Variants in TMED9 observed in about 807,000 individuals in gnomAD.
TMED9 encodes the protein transmembrane p24 trafficking protein 9, also known as transmembrane emp24 domain-containing protein 9.
In TMED9, 22 loss-of-function variants were observed where a neutral mutation model predicts 30.6. The observed-to-expected ratio is 0.72, with a 90% CI of 0.51 to 1.03. The LOEUF (loss-of-function observed/expected upper bound fraction) is 1.03, where lower values mean the gene tolerates loss of function less well. Among genes scored for constraint, TMED9 ranks in the 50% least tolerant of loss-of-function variants. TMED9 has a pLI of 0.00. For synonymous variants in TMED9, 146 were observed against 122.8 expected (o/e 1.19, Z -1.25); for missense variants, 251 against 302.1 (o/e 0.83, Z 1.25).
chr5:177,592,935 G>A (rs1467016647), intron 2 of TMED9, among the ~76,000 whole-genome samples: 1 of 152,100 alleles, frequency 6.6e-6, no homozygotes, highest in Non-Finnish European at 1.5e-5. Flanking sequence ...AAAATGAGCA[G>A]CTTTTAATCT....
Position 177,592,328 on chromosome 5 carries a change from C to A in TMED9, c.114C>A (p.Leu38=). ...VLWLATRGSA[L]YFHIGETEKK... Reference sequence around the variant, plus strand: ...GGCTGGCGACGCGCGGAAGCGCGCTCTACTTTCACATCGGAGAGACGGAGA... The same window carrying A: ...GGCTGGCGACGCGCGGAAGCGCGCTATACTTTCACATCGGAGAGACGGAGA... The change falls in exon 1 of 5, where the codon CTC becomes CTA. Residue 38 remains leucine, a synonymous_variant. Transcript: ENST00000332598. The A allele has an allele frequency of 1.2e-6, 2 of 1,606,392 alleles. No individual in the cohort carries two copies. The highest frequency in any genetic ancestry group is 1.7e-5 in the Admixed American group (1 of 58,822).
At position 177,592,693 on chromosome 5, in the gene TMED9, C is replaced by G. The variant is rs557229227; in HGVS notation, c.285+18C>G. On this transcript the variant is annotated intron_variant, in intron 2 of 4. Coordinates refer to ENST00000332598, the MANE Select transcript of TMED9 (RefSeq NM_017510.6). ...AGGACAAGGTGAGCCAACCGCCCCC[C>G]TCCTCTCCGCCAGCCTCTCAGCTAG... is the stretch of plus-strand genomic sequence containing the variant. The G allele has an allele frequency of 3.5e-4, 536 of 1,548,144 alleles. 1 individual carries two copies. The African/African-American group carries it at 6.0e-3, about 17-fold the overall frequency.
intron 4 of TMED9, among the ~76,000 whole-genome samples, chr5:177,594,519 C>G (rs1278986899): frequency 6.6e-6 from 1 of 152,198 alleles, no homozygotes; most frequent in African/African-American, 2.4e-5. Flanking sequence ...GCATTTGATA[C>G]CAACACCTTG....
At chr5:177,593,406 C>T in intron 2 of TMED9, 1 of 472,596 alleles carries the variant, frequency 2.1e-6, no homozygotes, top group Admixed American at 3.5e-5. Flanking sequence ...AAAGGAAAGC[C>T]CTTCCCAAGA....
intron 4 of TMED9, among the ~76,000 whole-genome samples, chr5:177,595,023 C>T (rs1767662920): frequency 6.6e-6 from 1 of 152,196 alleles, no homozygotes; most frequent in South Asian, 2.1e-4. Flanking sequence ...CCACAACTAC[C>T]TTACCTCTCT....
In TMED9 at chr5:177,592,305, C is replaced by G. The variant is rs761761262; in HGVS notation, c.91C>G (p.Leu31Val). The G allele has an allele frequency of 3.4e-5, 54 of 1,608,606 alleles. No homozygotes were observed. The highest frequency in any genetic ancestry group is 5.1e-5 in the Admixed American group (3 of 59,268). ...VMRTLLLVLW[L>V]ATRGSALYFH... Reference sequence around the variant, plus strand: ...GCGGACCCTCCTGCTGGTGCTGTGGCTGGCGACGCGCGGAAGCGCGCTCTA... The same window carrying G: ...GCGGACCCTCCTGCTGGTGCTGTGGGTGGCGACGCGCGGAAGCGCGCTCTA... The change falls in exon 1 of 5, where the codon CTG (leucine) becomes GTG (valine). Residue 31 changes from leucine to valine, a missense_variant. By Grantham distance (32) the Leu-to-Val change is conservative. Coordinates refer to ENST00000332598, the MANE Select transcript of TMED9 (RefSeq NM_017510.6).
intron 2 of TMED9, 117 bp downstream of exon 2, chr5:177,592,792 T>C (rs1561809358): frequency 5.4e-6 from 4 of 745,396 alleles, no homozygotes; most frequent in Non-Finnish European, 4.4e-6. Context: ...TGTGGGAATA[T>C]CCTGCTGACT....
chr5:177,593,105 G>A (rs1428633847), intron 2 of TMED9: 2 of 153,052 alleles, frequency 1.3e-5, no homozygotes, highest in Non-Finnish European at 2.8e-5. Flanking sequence ...GGGAGTTCAG[G>A]ACCGGCCTGG....
In TMED9 at chr5:177,592,293, C is replaced by T; in HGVS notation, c.79C>T (p.Leu27=). Residue 27 remains leucine, a synonymous_variant, in exon 1 of 5, where the codon CTG becomes TTG. Coordinates refer to ENST00000332598, the MANE Select transcript of TMED9 (RefSeq NM_017510.6). ...GLGRVMRTLL[L]VLWLATRGSA... is the part of the protein sequence containing the mutation. ...GGGTAGAGTGATGCGGACCCTCCTG[C>T]TGGTGCTGTGGCTGGCGACGCGCGG... 1.9e-6 allele frequency: 3 copies of T among 1,611,796 alleles called. No individual in the cohort carries two copies. The highest frequency in any genetic ancestry group is 2.5e-6 in the Non-Finnish European group (3 of 1,179,048).
chr5:177,592,424 A>C (rs1477097496), intron 1 of TMED9, 26 bp downstream of exon 1: 2 of 1,577,876 alleles, frequency 1.3e-6, no homozygotes, highest in Non-Finnish European at 1.7e-6. Context: ...GGAAGGGGCG[A>C]GTTTGGAACG....
At position 177,595,558 on chromosome 5, in the gene TMED9, TGAAG is replaced by T; in HGVS notation, c.*144_*147del. On this transcript the variant is annotated 3_prime_UTR_variant, in exon 5 of 5. Coordinates refer to ENST00000332598, the MANE Select transcript of TMED9 (RefSeq NM_017510.6). ...GCTGGAGGCACCCACAGGCACAAGC[TGAAG>T]GCAGCAGCTTGGCTAATACTGAGCA... The T allele has an allele frequency of 2.9e-6, 3 of 1,025,890 alleles. No homozygotes were observed. Among genetic ancestry groups the T allele is most frequent in the Non-Finnish European group, 4.2e-6 (3 of 715,428 alleles). 63.5% of individuals were successfully genotyped at this position (1,025,890 alleles called of 1,614,324 possible). A position where few individuals can be genotyped will look rare whatever the true frequency, so the allele number is the denominator to read the frequency against.
In TMED9 at chr5:177,595,365, C is replaced by T; in HGVS notation, c.657C>T (p.Val219=). The change falls in exon 5 of 5, where the codon GTC becomes GTT. Residue 219 remains valine, a synonymous_variant. Coordinates refer to ENST00000332598, the MANE Select transcript of TMED9 (RefSeq NM_017510.6). ...CCCTCATCCTCGTGGCCATCGGTGT[C>T]TGGCAGATGCGGCACCTCAAGAGCT... ...LQTLILVAIG[V]WQMRHLKSFF... is the part of the protein sequence containing the mutation. 1.9e-6 allele frequency: 3 copies of T among 1,613,072 alleles called. No individual in the cohort carries two copies. The highest frequency in any genetic ancestry group is 2.2e-5 in the East Asian group (1 of 44,832).
intron 3 of TMED9, 108 bp from the exon 4 acceptor site, chr5:177,594,031 G>C (rs970344531): frequency 1.4e-6 from 2 of 1,470,332 alleles, no homozygotes; most frequent in African/African-American, 2.8e-5. Flanking sequence ...GGCCCAGTCT[G>C]TTGGCTAAAT....
In TMED9 at chr5:177,592,282, G is replaced by C. The variant is rs1375800976; in HGVS notation, c.68G>C (p.Arg23Pro). The change falls in exon 1 of 5, where the codon CGG becomes CCG. Residue 23 changes from arginine to proline, a missense_variant. By Grantham distance (103) the Arg-to-Pro change is moderately radical (BLOSUM62 -2). Coordinates refer to ENST00000332598, the MANE Select transcript of TMED9 (RefSeq NM_017510.6). ...GGAACCGGGCTGGGTAGAGTGATGCGGACCCTCCTGCTGGTGCTGTGGCTG... is the reference window on the plus strand; with the variant it reads ...GGAACCGGGCTGGGTAGAGTGATGCCGACCCTCCTGCTGGTGCTGTGGCTG... ...RPGTGLGRVM[R>P]TLLLVLWLAT... 7 of 1,611,698 alleles carry C rather than the reference G, an allele frequency of 4.3e-6. No homozygotes were observed. The highest frequency in any genetic ancestry group is 1.7e-4 in the Middle Eastern group (1 of 6,042).
rs1767634152 is a variant in TMED9, at chr5:177,593,689, A to G, written c.325A>G (p.Thr109Ala). 1 of 1,614,022 alleles carries G rather than the reference A, an allele frequency of 6.2e-7. No individual in the cohort carries two copies. Among genetic ancestry groups the G allele is most frequent in the African/African-American group, 1.3e-5 (1 of 74,898 alleles). ...GCAGTATGGCTCCGAGGGCAGGTTCACTTTCACTTCCCATACCCCTGGTGA... is the reference window on the plus strand; with the variant it reads ...GCAGTATGGCTCCGAGGGCAGGTTCGCTTTCACTTCCCATACCCCTGGTGA... ...ARQYGSEGRFTFTSHTPGEHQ... is the reference protein window; with the variant it reads ...ARQYGSEGRFAFTSHTPGEHQ... Residue 109 changes from threonine (T) to alanine (A), a missense_variant, in exon 3 of 5, where the codon ACT becomes GCT. Around this residue, in one of 2 missense-constraint regions of TMED9, gnomAD observed 153 missense variants for 239.6 expected, o/e 0.64. Coordinates refer to ENST00000332598, the MANE Select transcript of TMED9 (RefSeq NM_017510.6).
At chr5:177,593,597 C>T in intron 2 of TMED9, 53 bp from the exon 3 acceptor site, 3 of 1,609,370 alleles carry the variant, frequency 1.9e-6, no homozygotes, top group Non-Finnish European at 2.5e-6. Flanking sequence ...CACTGTTTTC[C>T]TCCATTCCCA....
At chr5:177,593,524 T>G in intron 2 of TMED9, 126 bp from the exon 3 acceptor site, 1 of 1,202,000 alleles carries the variant, frequency 8.3e-7, no homozygotes, top group South Asian at 1.4e-5. Flanking sequence ...GCTTTGAATC[T>G]TTCAGTGTTG....
At position 177,594,379 on chromosome 5, in the gene TMED9, A is replaced by G. The variant is rs1195402691; in HGVS notation, c.558+94A>G. On this transcript the variant is annotated intron_variant, in intron 4 of 4. Coordinates refer to ENST00000332598, the MANE Select transcript of TMED9 (RefSeq NM_017510.6). ...ACATTAAATTCATTCTGAGACCCCCAAGGGACTTACCTGCACTGCATTGTA... is the reference window on the plus strand; with the variant it reads ...ACATTAAATTCATTCTGAGACCCCCGAGGGACTTACCTGCACTGCATTGTA... The G allele has an allele frequency of 2.0e-6, 3 of 1,480,814 alleles. No homozygotes were observed. In the African/African-American group the frequency reaches 4.2e-5, roughly 21 times the overall value. 91.7% of individuals were successfully genotyped at this position (1,480,814 alleles called of 1,614,324 possible). A position where few individuals can be genotyped will look rare whatever the true frequency, so the allele number is the denominator to read the frequency against.
In TMED9 at chr5:177,595,477, ACTT is replaced by A. The variant is rs1317355964; in HGVS notation, c.*67_*69del. On this transcript the variant is annotated 3_prime_UTR_variant, in exon 5 of 5. Transcript: ENST00000332598. ...GGGGAGAAAGGACCTCCTGGAACTG[ACTT>A]CTTCTGTCAGGAGGACTGGTTTCCA... is the stretch of plus-strand genomic sequence containing the variant. 3.3e-5 allele frequency: 50 copies of A among 1,535,366 alleles called. No homozygotes were observed. In the East Asian group the frequency reaches 4.4e-4, roughly 14 times the overall value.
Sources: gnomAD v4.1 joint callset for allele counts (sites outside exome capture counted in the v4.1 genomes callset) on GRCh38, gnomAD v4.1.1 for gene constraint, gnomAD v4.1.1 regional missense constraint, MANE v1.5 for transcripts, NCBI Gene and HGNC (gene_info 2026-07-23, HGNC 2026-07-21) for gene names.